The following SV2C variants were observed in gnomAD, a reference collection of about 807,000 sequenced individuals.
SV2C encodes the protein solute carrier family 22 member B3.
Under a neutral mutation model 79.7 loss-of-function variants are expected in SV2C, and 49 were observed. The ratio of observed to expected loss-of-function variants is 0.61; its 90% CI spans 0.49 to 0.78. The LOEUF (loss-of-function observed/expected upper bound fraction) is 0.78, where lower values mean the gene tolerates loss of function less well. Ranked by LOEUF, SV2C falls within the 30% of genes least tolerant of loss-of-function variation. The pLI is 0.00. For missense variants in SV2C, 833 were observed against 912.9 expected (o/e 0.91, Z 1.13); for synonymous variants, 334 against 333.2 (o/e 1.00, Z -0.03).
chr5:76,277,875 T>G (rs1442445260), intron 4 of SV2C, among the ~76,000 whole-genome samples: 1 of 152,058 alleles, frequency 6.6e-6, no homozygotes, highest in East Asian at 1.9e-4. Flanking sequence ...GGGTTAGGGC[T>G]GGAGGAAGAG....
At chr5:76,316,424 C>T (rs1748620493) in intron 12 of SV2C, among the ~76,000 whole-genome samples, 1 of 152,168 alleles carries the variant, frequency 6.6e-6, no homozygotes, top group South Asian at 2.1e-4. Context: ...GCATGTGGCC[C>T]TAGGCATCAG....
chr5:76,034,461 G>C, the SV2C span, among the ~76,000 whole-genome samples: 7 of 152,298 alleles, frequency 4.6e-5, no homozygotes, highest in African/African-American at 1.4e-4. Flanking sequence ...AGCATGAAGG[G>C]TTGTTGAATT....
intron 12 of SV2C, among the ~76,000 whole-genome samples, chr5:76,346,365 T>C (rs2112588764): frequency 6.6e-6 from 1 of 152,370 alleles, no homozygotes; most frequent in East Asian, 1.9e-4. Flanking sequence ...CAAAAATTCC[T>C]GAAAATTTAG....
chr5:76,224,312 CAT>C (rs1014245292), intron 4 of SV2C, among the ~76,000 whole-genome samples: 36 of 152,152 alleles, frequency 2.4e-4, no homozygotes. Context: ...CGCCCCATCT[CAT>C]TTTCCTGCAC....
intron 2 of SV2C, among the ~76,000 whole-genome samples, chr5:76,150,256 C>T (rs1749560537): frequency 1.3e-5 from 2 of 151,238 alleles, no homozygotes. Flanking sequence ...TGACAACCTG[C>T]AACTTCTGCC....
intron 4 of SV2C, among the ~76,000 whole-genome samples, chr5:76,251,192 C>T (rs964641150): frequency 2.6e-5 from 4 of 152,112 alleles, no homozygotes; most frequent in Non-Finnish European, 4.4e-5. Flanking sequence ...CAAAGCATCA[C>T]GGCAGCCATG....
chr5:75,865,583 AG>A, the SV2C span, among the ~76,000 whole-genome samples: 1 of 152,206 alleles, frequency 6.6e-6, no homozygotes, highest in African/African-American at 2.4e-5. Flanking sequence ...TTTGCGTGGA[AG>A]GAGAAGTGAC....
the SV2C span, among the ~76,000 whole-genome samples, chr5:76,017,904 T>A: frequency 6.6e-6 from 1 of 152,056 alleles, no homozygotes; most frequent in South Asian, 2.1e-4. Flanking sequence ...ACAAACACAG[T>A]TTGGGGGGAT....
At chr5:75,920,728 T>C in the SV2C span, 11 of 766,612 alleles carry the variant, frequency 1.4e-5, no homozygotes, top group Non-Finnish European at 2.2e-5. Flanking sequence ...TCAATCTGCG[T>C]CTCCTTGAAG....
At chr5:76,335,328 T>G (rs1284084997), downstream of SV2C, among the ~76,000 whole-genome samples, 1 of 151,952 alleles carries the variant, frequency 6.6e-6, no homozygotes, top group Non-Finnish European at 1.5e-5. Context: ...TCGCTCTATA[T>G]AGATCTTAAC....
At chr5:75,986,459 C>T in the SV2C span, among the ~76,000 whole-genome samples, 1 of 151,826 alleles carries the variant, frequency 6.6e-6, no homozygotes, top group African/African-American at 2.4e-5. Context: ...CCCCTCAGAG[C>T]CTCCAGAAGG....
At chr5:75,864,942 A>G in the SV2C span, among the ~76,000 whole-genome samples, 1 of 152,196 alleles carries the variant, frequency 6.6e-6, no homozygotes, top group African/African-American at 2.4e-5. Context: ...TATGCAAGCA[A>G]CCCTACCACT....
At chr5:75,949,730 G>C in the SV2C span, among the ~76,000 whole-genome samples, 2 of 152,036 alleles carry the variant, frequency 1.3e-5, no homozygotes, top group Admixed American at 1.3e-4. Flanking sequence ...GCCTCTCCAA[G>C]CCATGTGGCA....
the SV2C span, among the ~76,000 whole-genome samples, chr5:75,949,734 T>C: frequency 5.3e-5 from 8 of 152,098 alleles, no homozygotes; most frequent in Non-Finnish European, 8.8e-5. Flanking sequence ...CTCCAAGCCA[T>C]GTGGCACAGT....
At chr5:75,855,415 A>T in the SV2C span, among the ~76,000 whole-genome samples, 11 of 152,220 alleles carry the variant, frequency 7.2e-5, no homozygotes, top group South Asian at 2.3e-3. Context: ...ATAGATTCTT[A>T]AGGATTTTCT....
intron 1 of SV2C, among the ~76,000 whole-genome samples, chr5:76,108,374 A>G (rs1363143597): frequency 6.6e-6 from 1 of 152,238 alleles, no homozygotes; most frequent in Non-Finnish European, 1.5e-5. Context: ...AAAAGAGGAC[A>G]CAAGAAACGG....
exon 13 of SV2C, chr5:76,353,236 C>A: frequency 6.7e-6 from 2 of 300,570 alleles, no homozygotes; most frequent in South Asian, 2.5e-5. Context: ...CGAGCCACTG[C>A]ACCTGGCTTT....
chr5:76,036,114 C>T, the SV2C span, among the ~76,000 whole-genome samples: 91 of 151,726 alleles, frequency 6.0e-4, 2 homozygotes, highest in South Asian at 7.3e-3. Flanking sequence ...TTCCTCCATC[C>T]TTTTATTTTG....
intron 4 of SV2C, among the ~76,000 whole-genome samples, chr5:76,258,161 G>A (rs1369340825): frequency 6.6e-6 from 1 of 151,464 alleles, no homozygotes; most frequent in Non-Finnish European, 1.5e-5. Flanking sequence ...TGTGTGTAAG[G>A]AGTTTGTTGG....
Sources: gnomAD v4.1 joint callset for allele counts (sites outside exome capture counted in the v4.1 genomes callset) on GRCh38, gnomAD v4.1.1 for gene constraint, MANE v1.5 for transcripts, NCBI Gene and HGNC (gene_info 2026-07-23, HGNC 2026-07-21) for gene names.